Variants in AP3S2 observed in about 807,000 individuals in gnomAD.
AP3S2 encodes the protein AP-3 complex subunit sigma-2.
A neutral mutation model predicts 23.4 loss-of-function variants in AP3S2; 22 were observed. The observed-to-expected ratio is 0.94, with a 90% CI of 0.67 to 1.34. The LOEUF (loss-of-function observed/expected upper bound fraction) is 1.34, where lower values mean the gene tolerates loss of function less well. Among genes scored for constraint, AP3S2 ranks in the 40% most tolerant of loss-of-function variants. The pLI, the probability that AP3S2 is intolerant of heterozygous loss-of-function variation, is 0.00. For missense variants in AP3S2, 241 were observed against 236.9 expected (o/e 1.02, Z -0.11); for synonymous variants, 86 against 87.1 (o/e 0.99, Z 0.07).
intron 3 of AP3S2, among the ~76,000 whole-genome samples, chr15:89,873,052 T>A (rs1896357233): frequency 6.6e-6 from 1 of 152,186 alleles, no homozygotes; most frequent in Admixed American, 6.5e-5. Context: ...CATTCATAAA[T>A]CTTTACATTT....
chr15:89,864,161 T>C (rs562159477), intron 4 of AP3S2, among the ~76,000 whole-genome samples: 1 of 152,352 alleles, frequency 6.6e-6, no homozygotes, highest in East Asian at 1.9e-4. Flanking sequence ...TTATGGAACT[T>C]ATCTGAAGAT....
At chr15:89,880,572 G>A (rs1440540745) in intron 3 of AP3S2, among the ~76,000 whole-genome samples, 1 of 151,944 alleles carries the variant, frequency 6.6e-6, no homozygotes, top group African/African-American at 2.4e-5. Flanking sequence ...TATTCAGGAG[G>A]CTGAAGCAGG....
chr15:89,883,237 CCTTA>C (rs760797670), intron 3 of AP3S2, among the ~76,000 whole-genome samples: 8 of 151,984 alleles, frequency 5.3e-5, no homozygotes, highest in Non-Finnish European at 1.2e-4. Flanking sequence ...CATATCATTT[CCTTA>C]CTTATAATTC....
At chr15:89,859,195 CCT>C (rs1386069102) in intron 4 of AP3S2, among the ~76,000 whole-genome samples, 1 of 150,818 alleles carries the variant, frequency 6.6e-6, no homozygotes, top group Non-Finnish European at 1.5e-5. Flanking sequence ...TCCTTCCTTC[CCT>C]CTCTCCTTGC....
chr15:89,892,189 A>T (rs1347698699), intron 1 of AP3S2, among the ~76,000 whole-genome samples: 1 of 152,228 alleles, frequency 6.6e-6, no homozygotes, highest in Non-Finnish European at 1.5e-5. Flanking sequence ...TCCATTTGCC[A>T]TTCTGGAACT....
chr15:89,886,287 G>A (rs981658575), intron 3 of AP3S2, among the ~76,000 whole-genome samples: 1 of 152,072 alleles, frequency 6.6e-6, no homozygotes, highest in Admixed American at 6.6e-5. Flanking sequence ...GGAGGTTGTG[G>A]TGAGCTGAGA....
intron 4 of AP3S2, among the ~76,000 whole-genome samples, chr15:89,847,741 C>T (rs1172901145): frequency 6.6e-6 from 1 of 152,192 alleles, no homozygotes; most frequent in Admixed American, 6.5e-5. Context: ...AGTAAAAACA[C>T]AGTCTCCAAA....
intron 1 of AP3S2, among the ~76,000 whole-genome samples, chr15:89,890,242 G>T (rs4031743): frequency 0.52 from 78,310 of 151,240 alleles, 20,999 homozygotes; most frequent in African/African-American, 0.66. Flanking sequence ...TAGAGATGGG[G>T]TTTCACCATG....
At chr15:89,891,873 A>G (rs2141906889) in intron 1 of AP3S2, among the ~76,000 whole-genome samples, 1 of 152,320 alleles carries the variant, frequency 6.6e-6, no homozygotes, top group South Asian at 2.1e-4. Flanking sequence ...TGATCCAGCA[A>G]TTCTACTCCT....
intron 4 of AP3S2, among the ~76,000 whole-genome samples, chr15:89,855,107 T>C (rs1895793454): frequency 7.2e-6 from 1 of 138,070 alleles, no homozygotes; most frequent in Non-Finnish European, 1.6e-5. Flanking sequence ...GGGGAAAAGA[T>C]TGAGAAATCG....
At chr15:89,839,140 C>T (rs543844620) in intron 4 of AP3S2, among the ~76,000 whole-genome samples, 1 of 152,158 alleles carries the variant, frequency 6.6e-6, no homozygotes, top group Non-Finnish European at 1.5e-5. Context: ...AGCTGAGAAC[C>T]ACTGGTCCAG....
At chr15:89,874,566 G>T (rs772159849) in intron 3 of AP3S2, among the ~76,000 whole-genome samples, 1 of 152,236 alleles carries the variant, frequency 6.6e-6, no homozygotes, top group African/African-American at 2.4e-5. Flanking sequence ...CTCGAGCCCA[G>T]GAGTTTGAGA....
chr15:89,892,864 C>T (rs1896851863), intron 1 of AP3S2, among the ~76,000 whole-genome samples: 1 of 152,150 alleles, frequency 6.6e-6, no homozygotes, highest in African/African-American at 2.4e-5. Context: ...CGGGGTTTCA[C>T]CGTGTTAGCC....
At chr15:89,858,807 A>G (rs546254570) in intron 4 of AP3S2, among the ~76,000 whole-genome samples, 1 of 152,292 alleles carries the variant, frequency 6.6e-6, no homozygotes, top group Admixed American at 6.5e-5. Context: ...ATATCAAATG[A>G]ATATCTCTAA....
chr15:89,893,967 C>T lies in AP3S2; in HGVS notation c.-18G>A. 1.3e-6 allele frequency: 2 copies of T among 1,550,818 alleles called. No homozygotes were observed. Among genetic ancestry groups the T allele is most frequent in the South Asian group, 2.4e-5 (2 of 84,048 alleles). On this transcript the variant is annotated 5_prime_UTR_variant, in exon 1 of 6. Transcript: ENST00000336418. ...TGAATCATCTTTGCCAGCCACGGTT[C>T]TCTCAGCACCGGCTACTCCCAGAAA...
chr15:89,864,501 G>A (rs888239566), intron 4 of AP3S2, among the ~76,000 whole-genome samples: 6 of 152,082 alleles, frequency 3.9e-5, no homozygotes, highest in Non-Finnish European at 7.4e-5. Context: ...GCTTCCCTTT[G>A]AAACCAGGAA....
intron 4 of AP3S2, among the ~76,000 whole-genome samples, chr15:89,849,585 T>C (rs1895588348): frequency 6.6e-6 from 1 of 152,050 alleles, no homozygotes. Flanking sequence ...GCCAGGATGG[T>C]CTCGATCTCC....
intron 4 of AP3S2, among the ~76,000 whole-genome samples, chr15:89,861,786 A>G (rs944399997): frequency 1.3e-4 from 20 of 152,158 alleles, no homozygotes; most frequent in Admixed American, 7.9e-4. Context: ...CCAAGCAGGG[A>G]AAACATAGAA....
At chr15:89,852,729 C>T (rs951228046) in intron 4 of AP3S2, 3 of 152,256 alleles carry the variant, frequency 2.0e-5, no homozygotes, top group Non-Finnish European at 4.4e-5. Context: ...TCCCATAAAA[C>T]TGTTTCTAAG....
Sources: gnomAD v4.1 joint callset for allele counts (sites outside exome capture counted in the v4.1 genomes callset) on GRCh38, gnomAD v4.1.1 for gene constraint, MANE v1.5 for transcripts, NCBI Gene and HGNC (gene_info 2026-07-23, HGNC 2026-07-21) for gene names.